GSTCD: variants seen among roughly 807,000 people sequenced by gnomAD.
GSTCD encodes the protein glutathione S-transferase C-terminal domain-containing protein.
Under a neutral mutation model 68.3 loss-of-function variants are expected in GSTCD, and 44 were observed. The ratio of observed to expected loss-of-function variants is 0.64; its 90% confidence interval spans 0.51 to 0.83. The LOEUF is 0.83. Among genes scored for constraint, GSTCD ranks in the 40% least tolerant of loss-of-function variants. The pLI is 0.00. For missense variants in GSTCD, 739 were observed against 735.9 expected, an observed-to-expected ratio of 1.00 and a Z score of -0.05; for synonymous variants, 273 against 255.2, an observed-to-expected ratio of 1.07 and a Z score of -0.67.
intron 9 of GSTCD, 103 bp downstream of exon 9, chr4:105,834,697 C>T: frequency 1.1e-6 from 1 of 916,704 alleles, no homozygotes; most frequent in Non-Finnish European, 1.6e-6. Context: ...TGGCTCATTT[C>T]TTCTTTCCAC....
intron 5 of GSTCD, among the ~76,000 whole-genome samples, chr4:105,755,678 G>A (rs1324192065): frequency 6.6e-6 from 1 of 152,104 alleles, no homozygotes. Context: ...ATGTACCCAT[G>A]TCACATGGTG....
intron 5 of GSTCD, among the ~76,000 whole-genome samples, chr4:105,737,022 GC>G (rs1401835434): frequency 6.6e-6 from 1 of 151,894 alleles, no homozygotes; most frequent in African/African-American, 2.4e-5. Flanking sequence ...TCCATATCTT[GC>G]CTATTGTGAA....
intron 5 of GSTCD, among the ~76,000 whole-genome samples, chr4:105,799,151 C>T (rs557598076): frequency 1.4e-4 from 21 of 152,262 alleles, no homozygotes; most frequent in African/African-American, 5.1e-4. Context: ...TCACCTCTGT[C>T]AGCATTTATA....
At chr4:105,743,197 C>T (rs920623734) in intron 5 of GSTCD, among the ~76,000 whole-genome samples, 2 of 152,036 alleles carry the variant, frequency 1.3e-5, no homozygotes, top group South Asian at 4.1e-4. Context: ...TGATCTGCCC[C>T]CCTTGGCCTC....
intron 5 of GSTCD, among the ~76,000 whole-genome samples, chr4:105,767,622 A>G (rs1475102645): frequency 1.3e-5 from 2 of 152,172 alleles, no homozygotes; most frequent in Non-Finnish European, 2.9e-5. Context: ...AAGTTTGCTA[A>G]GACTGTGGAT....
chr4:105,758,899 A>T (rs1186053786), intron 5 of GSTCD, among the ~76,000 whole-genome samples: 1 of 152,098 alleles, frequency 6.6e-6, no homozygotes, highest in Non-Finnish European at 1.5e-5. Flanking sequence ...TTTATTTTGT[A>T]TTATTTTATC....
At chr4:105,790,296 C>T (rs1247040666) in intron 5 of GSTCD, among the ~76,000 whole-genome samples, 3 of 152,006 alleles carry the variant, frequency 2.0e-5, no homozygotes, top group Non-Finnish European at 4.4e-5. Context: ...CAAATCCTTA[C>T]ATAATTTACA....
intron 5 of GSTCD, among the ~76,000 whole-genome samples, chr4:105,787,101 A>G (rs1337660356): frequency 1.3e-5 from 2 of 152,154 alleles, no homozygotes; most frequent in African/African-American, 4.8e-5. Flanking sequence ...TAATTTACAT[A>G]TGCTGAGAAT....
intron 3 of GSTCD, among the ~76,000 whole-genome samples, chr4:105,722,603 G>A (rs1311024607): frequency 6.6e-6 from 1 of 152,000 alleles, no homozygotes; most frequent in Non-Finnish European, 1.5e-5. Flanking sequence ...TGATTGTAAA[G>A]GAATGCAAAG....
At chr4:105,731,656 A>G (rs1182285025) in intron 5 of GSTCD, among the ~76,000 whole-genome samples, 2 of 152,184 alleles carry the variant, frequency 1.3e-5, no homozygotes, top group Non-Finnish European at 2.9e-5. Flanking sequence ...CTAAATACAC[A>G]ATCATGTCAT....
chr4:105,755,056 C>CA (rs70941214), intron 5 of GSTCD, among the ~76,000 whole-genome samples: 4 of 50,986 alleles, frequency 7.8e-5, no homozygotes, highest in Non-Finnish European at 1.0e-4. Flanking sequence ...CTCATTTCTC[C>CA]AAAAAAAAAA....
intron 1 of GSTCD, chr4:105,711,072 A>G (rs1281580487): frequency 6.6e-6 from 1 of 152,088 alleles, no homozygotes; most frequent in East Asian, 1.9e-4. Flanking sequence ...GTTGAGGGGC[A>G]TGTTTTTTTG....
intron 5 of GSTCD, among the ~76,000 whole-genome samples, chr4:105,770,702 T>C (rs994737189): frequency 6.6e-6 from 1 of 152,242 alleles, no homozygotes; most frequent in African/African-American, 2.4e-5. Flanking sequence ...GGACATGAAC[T>C]CATCCTTTTT....
At chr4:105,814,657 A>G (rs1294567464) in intron 5 of GSTCD, among the ~76,000 whole-genome samples, 1 of 152,016 alleles carries the variant, frequency 6.6e-6, no homozygotes, top group African/African-American at 2.4e-5. Context: ...AATAAATACT[A>G]CCACTGCTAG....
At chr4:105,764,616 T>G (rs1734536650) in intron 5 of GSTCD, among the ~76,000 whole-genome samples, 1 of 152,206 alleles carries the variant, frequency 6.6e-6, no homozygotes, top group South Asian at 2.1e-4. Context: ...GTGCACACAC[T>G]CCTTATGTCT....
chr4:105,733,335 A>C (rs372982300), intron 5 of GSTCD, among the ~76,000 whole-genome samples: 2 of 152,180 alleles, frequency 1.3e-5, no homozygotes, highest in Non-Finnish European at 2.9e-5. Flanking sequence ...GTCTCTTTGT[A>C]GGTCTCTAAG....
chr4:105,785,999 C>G (rs1402144005), intron 5 of GSTCD, among the ~76,000 whole-genome samples: 1 of 152,134 alleles, frequency 6.6e-6, no homozygotes, highest in Non-Finnish European at 1.5e-5. Context: ...ATTTACAACC[C>G]TATCATAAAG....
intron 5 of GSTCD, among the ~76,000 whole-genome samples, chr4:105,746,976 A>G (rs2149223685): frequency 6.6e-6 from 1 of 152,318 alleles, no homozygotes; most frequent in South Asian, 2.1e-4. Flanking sequence ...AGCAGAAGTG[A>G]TTTGGGGAAG....
intron 5 of GSTCD, among the ~76,000 whole-genome samples, chr4:105,752,121 A>G (rs1734028563): frequency 1.3e-5 from 2 of 152,172 alleles, no homozygotes; most frequent in Admixed American, 6.5e-5. Context: ...TCATTGCCAC[A>G]TAATGTATGG....
Sources: gnomAD v4.1 joint callset for allele counts (sites outside exome capture counted in the v4.1 genomes callset) on GRCh38, gnomAD v4.1.1 for gene constraint, MANE v1.5 for transcripts, NCBI Gene and HGNC (gene_info 2026-07-23, HGNC 2026-07-21) for gene names.